The following MAP1B variants were observed in gnomAD, a reference collection of about 807,000 sequenced individuals.
MAP1B encodes the protein microtubule associated protein 1B.
MAP1B carries 12 observed loss-of-function variants against 176.1 expected under a neutral mutation model. The ratio of observed to expected loss-of-function variants is 0.07; its 90% CI spans 0.04 to 0.11. The LOEUF (loss-of-function observed/expected upper bound fraction) is 0.11, where lower values mean the gene tolerates loss of function less well. Among genes scored for constraint, MAP1B ranks in the 10% least tolerant of loss-of-function variants. MAP1B has a pLI of 1.00. For synonymous variants in MAP1B, 1,044 were observed against 1,135.0 expected, an observed-to-expected ratio of 0.92 and a Z score of 1.61; for missense variants, 2,523 against 2,990.5, an observed-to-expected ratio of 0.84 and a Z score of 3.65.
intron 2 of MAP1B, among the ~76,000 whole-genome samples, chr5:72,144,498 A>T (rs913061179): frequency 2.0e-5 from 3 of 152,000 alleles, no homozygotes; most frequent in Non-Finnish European, 4.4e-5. Context: ...GGCTCAAGAG[A>T]TCCTCCCTCC....
At chr5:72,168,844 G>A (rs1165698227) in intron 2 of MAP1B, among the ~76,000 whole-genome samples, 2 of 152,202 alleles carry the variant, frequency 1.3e-5, no homozygotes, top group Non-Finnish European at 2.9e-5. Context: ...CCATTGGCCA[G>A]ATTTGGTTGA....
intron 2 of MAP1B, among the ~76,000 whole-genome samples, chr5:72,147,801 C>T (rs1181400247): frequency 3.3e-5 from 5 of 152,180 alleles, no homozygotes; most frequent in Admixed American, 1.3e-4. Context: ...GGTTTGTTGC[C>T]TGGGAAACTT....
At chr5:72,118,368 CT>C (rs983144372) in intron 2 of MAP1B, among the ~76,000 whole-genome samples, 20 of 149,362 alleles carry the variant, frequency 1.3e-4, no homozygotes, top group African/African-American at 4.3e-4. Context: ...GATGGATCCC[CT>C]AAAAAAAAAT....
At position 72,161,620 on chromosome 5, in the gene MAP1B, C is replaced by T. The variant is rs1263435145; in HGVS notation, c.287-22123C>T. On this transcript the variant is annotated intron_variant, in intron 2 of 6. Coordinates refer to ENST00000296755, the MANE Select transcript of MAP1B (RefSeq NM_005909.5). ...GGGACTTCTGCTCCCTCAGCTCACA[C>T]TTAGGTTCTGCTGATGGTGTGCTGA... Among the ~76,000 whole-genome samples the T allele has an allele frequency of 2.0e-5, 3 of 152,250 alleles. No homozygotes were observed. The East Asian group carries it at 5.8e-4, about 29-fold the overall frequency.
intron 2 of MAP1B, among the ~76,000 whole-genome samples, chr5:72,180,628 T>TTAA (rs1746745414): frequency 6.6e-6 from 1 of 152,252 alleles, no homozygotes; most frequent in Non-Finnish European, 1.5e-5. Flanking sequence ...TTTATTCTTC[T>TTAA]TAAGCCTCCG....
chr5:72,117,770 T>C (rs937695458), intron 2 of MAP1B, among the ~76,000 whole-genome samples: 4 of 152,226 alleles, frequency 2.6e-5, no homozygotes, highest in Non-Finnish European at 4.4e-5. Flanking sequence ...AGGACTGATA[T>C]TACGACTTTC....
At chr5:72,143,240 C>T (rs1414638211) in intron 2 of MAP1B, among the ~76,000 whole-genome samples, 1 of 152,192 alleles carries the variant, frequency 6.6e-6, no homozygotes, top group African/African-American at 2.4e-5. Context: ...CAAAAGAATA[C>T]ACTGCCGTGT....
intron 2 of MAP1B, among the ~76,000 whole-genome samples, chr5:72,133,247 C>T (rs1278618340): frequency 6.6e-6 from 1 of 152,220 alleles, no homozygotes; most frequent in Non-Finnish European, 1.5e-5. Flanking sequence ...CTGCCTCTGC[C>T]TGTACTTACA....
chr5:72,189,424 A>T (rs552744195), intron 4 of MAP1B, among the ~76,000 whole-genome samples: 2 of 152,296 alleles, frequency 1.3e-5, no homozygotes, highest in South Asian at 4.1e-4. Context: ...TGTCTTAGTT[A>T]CCCTTCACCA....
rs956368886 is a variant in MAP1B at position 72,186,397 on chromosome 5, T to C, written c.370-217T>C. Among the ~76,000 whole-genome samples the C allele has an allele frequency of 1.3e-5, 2 of 152,254 alleles. No homozygotes were observed. Among genetic ancestry groups the C allele is most frequent in the Admixed American group, 1.3e-4 (2 of 15,286 alleles). On this transcript the variant is annotated intron_variant, in intron 3 of 6. Transcript: ENST00000296755. This position sits in a 1 kb window ranked among gnomAD's most constrained non-coding sequence, Gnocchi z 4.3. ...TTGAAAATGGCATTCTTGGGCAAAC[T>C]GATAACTACACTTATTGGCTTTGTG...
intron 2 of MAP1B, among the ~76,000 whole-genome samples, chr5:72,149,370 C>T (rs1002057701): frequency 6.6e-6 from 1 of 152,178 alleles, no homozygotes; most frequent in African/African-American, 2.4e-5. Context: ...ACTAATTAAG[C>T]CTGTTTAAAC....
chr5:72,160,818 G>A (rs1172108686), intron 2 of MAP1B, among the ~76,000 whole-genome samples: 2 of 152,166 alleles, frequency 1.3e-5, no homozygotes, highest in Non-Finnish European at 2.9e-5. Context: ...TCTCTGGAGA[G>A]CTTCAAGAGC....
At chr5:72,111,638 C>T (rs1351247828) in intron 1 of MAP1B, among the ~76,000 whole-genome samples, 1 of 152,122 alleles carries the variant, frequency 6.6e-6, no homozygotes, top group African/African-American at 2.4e-5. Context: ...TTTTCAAAGT[C>T]GAAGACAGAT....
chr5:72,164,363 G>A (rs558353521), intron 2 of MAP1B, among the ~76,000 whole-genome samples: 3 of 152,112 alleles, frequency 2.0e-5, no homozygotes, highest in Non-Finnish European at 4.4e-5. Context: ...CTGTGACAAG[G>A]GTGACATCAT....
chr5:72,189,485 A>G (rs183417089), intron 4 of MAP1B, among the ~76,000 whole-genome samples: 2 of 152,290 alleles, frequency 1.3e-5, no homozygotes, highest in Admixed American at 6.5e-5. Flanking sequence ...TTTTACCCAC[A>G]GTTCTTCATA....
intron 2 of MAP1B, among the ~76,000 whole-genome samples, chr5:72,167,285 AT>A (rs895880632): frequency 1.3e-5 from 2 of 152,042 alleles, no homozygotes; most frequent in Non-Finnish European, 2.9e-5. Context: ...TGTTAATTGG[AT>A]TTTTTTTAAA....
chr5:72,125,729 T>G (rs901615838), intron 2 of MAP1B, among the ~76,000 whole-genome samples: 17 of 152,224 alleles, frequency 1.1e-4, no homozygotes, highest in Admixed American at 2.6e-4. Flanking sequence ...CCATGCAAAT[T>G]GGGGCATAAA....
intron 2 of MAP1B, among the ~76,000 whole-genome samples, chr5:72,146,616 G>T (rs1467086422): frequency 1.3e-5 from 2 of 152,162 alleles, no homozygotes; most frequent in African/African-American, 2.4e-5. Flanking sequence ...GCACAGCATG[G>T]TTAAACAGCA....
intron 2 of MAP1B, among the ~76,000 whole-genome samples, chr5:72,146,912 G>A (rs1222936298): frequency 6.6e-6 from 1 of 151,938 alleles, no homozygotes; most frequent in Non-Finnish European, 1.5e-5. Flanking sequence ...TGGGATGCAA[G>A]GATACTGTCA....
Sources: gnomAD v4.1 joint callset for allele counts (sites outside exome capture counted in the v4.1 genomes callset) on GRCh38, gnomAD v4.1.1 for gene constraint, Gnocchi (gnomAD v3.1) non-coding constraint, MANE v1.5 for transcripts, NCBI Gene and HGNC (gene_info 2026-07-23, HGNC 2026-07-21) for gene names.